DDHD1: variants seen among roughly 807,000 people sequenced by gnomAD.
The protein encoded by DDHD1 is phospholipase DDHD1.
A neutral mutation model predicts 96.4 loss-of-function variants in DDHD1; 49 were observed. The ratio of observed to expected loss-of-function variants is 0.51; its 90% CI spans 0.40 to 0.64. DDHD1 has a LOEUF of 0.64. Ranked by LOEUF, DDHD1 falls within the 30% of genes least tolerant of loss-of-function variation. The pLI is 0.00. For synonymous variants in DDHD1, 442 were observed against 446.5 expected (o/e 0.99, Z 0.13); for missense variants, 1,106 against 1,161.2 (o/e 0.95, Z 0.69).
rs1000868166 is a variant in DDHD1, at chr14:53,143,042, T to C, written c.838+9219A>G. On this transcript the variant is annotated intron_variant, in intron 1 of 12. Coordinates refer to ENST00000673822, the MANE Select transcript of DDHD1 (RefSeq NM_001160148.2). ...AGAACTTACTATTCATCATGGGATATTTTTAAGATCTTTAAATATTTTAAC... is the reference window on the plus strand; with the variant it reads ...AGAACTTACTATTCATCATGGGATACTTTTAAGATCTTTAAATATTTTAAC... 8.5e-5 allele frequency among the ~76,000 whole-genome samples: 13 copies of C among 152,368 alleles called. No individual in the cohort carries two copies. The East Asian group carries it at 1.9e-3, about 23-fold the overall frequency.
intron 4 of DDHD1, among the ~76,000 whole-genome samples, chr14:53,087,835 G>A (rs949740789): frequency 2.6e-5 from 4 of 152,042 alleles, no homozygotes; most frequent in African/African-American, 9.7e-5. Context: ...AGGAAATAGC[G>A]ACACAAAAAA....
intron 12 of DDHD1, among the ~76,000 whole-genome samples, chr14:53,049,950 A>G (rs1882390819): frequency 1.3e-5 from 2 of 152,194 alleles, no homozygotes; most frequent in South Asian, 4.1e-4. Flanking sequence ...GTGCTTGACA[A>G]TCAAGGAATC....
chr14:53,117,298 A>G (rs1370020759), intron 1 of DDHD1, among the ~76,000 whole-genome samples: 3 of 152,276 alleles, frequency 2.0e-5, no homozygotes, highest in African/African-American at 7.2e-5. Context: ...CTGGTTGGAC[A>G]GTGGGTGCAG....
chr14:53,105,641 T>TA (rs1217152757), intron 1 of DDHD1, among the ~76,000 whole-genome samples: 2 of 152,200 alleles, frequency 1.3e-5, no homozygotes, highest in African/African-American at 4.8e-5. Flanking sequence ...TGTAATATCA[T>TA]ATACATTCCT....
intron 1 of DDHD1, among the ~76,000 whole-genome samples, chr14:53,137,502 G>A (rs1471055939): frequency 6.6e-6 from 1 of 152,166 alleles, no homozygotes; most frequent in Non-Finnish European, 1.5e-5. Flanking sequence ...TGAGGCAGGA[G>A]AATCACTTGA....
chr14:53,118,661 G>C (rs1452366050), intron 1 of DDHD1, among the ~76,000 whole-genome samples: 1 of 152,226 alleles, frequency 6.6e-6, no homozygotes, highest in African/African-American at 2.4e-5. Context: ...ATGGGACTAT[G>C]TGAAAAGACC....
chr14:53,108,769 C>A (rs1236765089), intron 1 of DDHD1, among the ~76,000 whole-genome samples: 1 of 152,086 alleles, frequency 6.6e-6, no homozygotes, highest in Non-Finnish European at 1.5e-5. Flanking sequence ...GCACTTCTTC[C>A]TTTTTCACTT....
intron 1 of DDHD1, among the ~76,000 whole-genome samples, chr14:53,136,117 G>A (rs1890224266): frequency 6.6e-6 from 1 of 152,072 alleles, no homozygotes; most frequent in Admixed American, 6.5e-5. Flanking sequence ...CCACCCTTGA[G>A]AATGTACTTT....
chr14:53,091,717 T>C (rs1886442955), intron 4 of DDHD1, 68 bp downstream of exon 4: 1 of 1,488,242 alleles, frequency 6.7e-7, no homozygotes, highest in Non-Finnish European at 9.2e-7. Context: ...ACTGTTAATA[T>C]CTCTTATACC....
chr14:53,057,709 C>T (rs1883180953), intron 9 of DDHD1, among the ~76,000 whole-genome samples: 1 of 152,218 alleles, frequency 6.6e-6, no homozygotes, highest in African/African-American at 2.4e-5. Context: ...ACATTACACT[C>T]TTGTATTACA....
At chr14:53,108,933 C>T (rs1887901270) in intron 1 of DDHD1, among the ~76,000 whole-genome samples, 1 of 152,168 alleles carries the variant, frequency 6.6e-6, no homozygotes, top group African/African-American at 2.4e-5. Flanking sequence ...TCAACTGAAA[C>T]ACTTTCTTTC....
At chr14:53,069,765 G>C (rs917118688) in intron 6 of DDHD1, among the ~76,000 whole-genome samples, 1 of 151,906 alleles carries the variant, frequency 6.6e-6, no homozygotes, top group African/African-American at 2.4e-5. Flanking sequence ...TGCCACCCCC[G>C]CCCTGGGTTT....
At chr14:53,127,556 C>G (rs1397047070) in intron 1 of DDHD1, among the ~76,000 whole-genome samples, 2 of 152,242 alleles carry the variant, frequency 1.3e-5, no homozygotes, top group Non-Finnish European at 2.9e-5. Flanking sequence ...GCAGTAGTTA[C>G]ACACAGCTAC....
rs1386770146 is a variant in DDHD1 at position 53,041,198 on chromosome 14, A to C, written c.*5570T>G. The C allele has an allele frequency of 1.3e-5, 2 of 152,128 alleles. No homozygotes were observed. The highest frequency in any genetic ancestry group is 2.9e-5 in the Non-Finnish European group (2 of 68,022). 9.4% of individuals were successfully genotyped at this position (152,128 alleles called of 1,614,324 possible). On this transcript the variant is annotated 3_prime_UTR_variant, in exon 13 of 13. Coordinates refer to ENST00000673822, the MANE Select transcript of DDHD1 (RefSeq NM_001160148.2). ...AAGACCAGATGTAATCTTCCTAAAG[A>C]ATATTCCCCAACATATCCTGACAAC...
intron 4 of DDHD1, among the ~76,000 whole-genome samples, chr14:53,085,495 C>G (rs1885870098): frequency 6.6e-6 from 1 of 152,102 alleles, no homozygotes; most frequent in Admixed American, 6.5e-5. Flanking sequence ...CTGGTAATAC[C>G]CAGGCAAACA....
At chr14:53,131,772 C>T (rs1055985723) in intron 1 of DDHD1, among the ~76,000 whole-genome samples, 2 of 152,062 alleles carry the variant, frequency 1.3e-5, no homozygotes, top group African/African-American at 4.8e-5. Context: ...CTTTATAGCC[C>T]CTCCTACAAA....
chr14:53,093,173 A>C, intron 3 of DDHD1, 143 bp downstream of exon 3: 2 of 744,806 alleles, frequency 2.7e-6, no homozygotes, highest in Non-Finnish European at 3.9e-6. Context: ...AACTTAATAA[A>C]AGTTTCATTT....
intron 1 of DDHD1, among the ~76,000 whole-genome samples, chr14:53,127,127 CCAGA>C (rs1889511791): frequency 6.6e-6 from 1 of 151,908 alleles, no homozygotes; most frequent in African/African-American, 2.4e-5. Context: ...ACTAAAGTTA[CCAGA>C]CAATTGAGAA....
At chr14:53,119,295 T>C (rs1256326993) in intron 1 of DDHD1, among the ~76,000 whole-genome samples, 2 of 152,094 alleles carry the variant, frequency 1.3e-5, no homozygotes, top group Non-Finnish European at 2.9e-5. Context: ...AATGACAGGA[T>C]CAAATTCAAA....
Sources: allele counts gnomAD v4.1 joint callset (sites outside exome capture counted in the v4.1 genomes callset), GRCh38; gene constraint gnomAD v4.1.1; transcripts MANE v1.5; gene names NCBI Gene and HGNC (gene_info 2026-07-23, HGNC 2026-07-21).